The following CLVS1 variants were observed in gnomAD, a reference collection of about 807,000 sequenced individuals.
CLVS1 encodes the protein clavesin 1.
Under a neutral mutation model 33.1 loss-of-function variants are expected in CLVS1, and 10 were observed. The observed-to-expected ratio is 0.30, with a 90% CI of 0.19 to 0.51. The LOEUF is 0.51. Ranked by LOEUF, CLVS1 falls within the 20% of genes least tolerant of loss-of-function variation. The probability of loss-of-function intolerance (pLI) is 0.97; values close to 1 mark genes in which losing one functional copy is unlikely to be tolerated. For synonymous variants in CLVS1, 163 were observed against 166.1 expected (o/e 0.98, Z 0.14); for missense variants, 343 against 433.4 (o/e 0.79, Z 1.85).
intron 3 of CLVS1, among the ~76,000 whole-genome samples, chr8:61,452,825 G>A (rs570589981): frequency 6.6e-6 from 1 of 152,278 alleles, no homozygotes; most frequent in South Asian, 2.1e-4. Flanking sequence ...CTAGGTAGAG[G>A]AAAAAATTAT....
At chr8:61,064,887 G>C (rs1237376338) in intron 1 of CLVS1, among the ~76,000 whole-genome samples, 2 of 152,178 alleles carry the variant, frequency 1.3e-5, no homozygotes, top group Non-Finnish European at 2.9e-5. Flanking sequence ...ATTTTTAGTA[G>C]AGACAGGGTT....
chr8:61,331,893 T>C (rs1298844641), intron 2 of CLVS1, among the ~76,000 whole-genome samples: 1 of 151,620 alleles, frequency 6.6e-6, no homozygotes, highest in African/African-American at 2.4e-5. Flanking sequence ...TTGTTCTCCC[T>C]AGGTTGGAAA....
At chr8:60,998,398 C>T in the CLVS1 span, among the ~76,000 whole-genome samples, 2 of 152,048 alleles carry the variant, frequency 1.3e-5, no homozygotes, top group Non-Finnish European at 2.9e-5. Flanking sequence ...ACCGGAATAC[C>T]CGACTTAAGT....
At chr8:60,973,073 T>C in the CLVS1 span, among the ~76,000 whole-genome samples, 3 of 152,162 alleles carry the variant, frequency 2.0e-5, no homozygotes, top group African/African-American at 7.2e-5. Context: ...AGAGAAGTCA[T>C]GGGGGTCTGT....
At chr8:61,180,075 A>G (rs1401141008) in intron 2 of CLVS1, among the ~76,000 whole-genome samples, 1 of 152,212 alleles carries the variant, frequency 6.6e-6, no homozygotes, top group Non-Finnish European at 1.5e-5. Context: ...AAAATTAACA[A>G]AATAGATAGA....
chr8:61,190,655 G>A (rs1035864025), intron 2 of CLVS1, among the ~76,000 whole-genome samples: 1 of 151,950 alleles, frequency 6.6e-6, no homozygotes, highest in Non-Finnish European at 1.5e-5. Context: ...AAAGAGAGAA[G>A]AATCAAATAC....
intron 2 of CLVS1, among the ~76,000 whole-genome samples, chr8:61,245,946 T>A (rs77251659): frequency 1.3e-4 from 16 of 120,672 alleles, no homozygotes; most frequent in South Asian, 6.8e-4. Flanking sequence ...TAAAAAAAAA[T>A]TTTTTTGGAG....
At chr8:61,335,045 T>A (rs988207703) in intron 2 of CLVS1, among the ~76,000 whole-genome samples, 1 of 152,168 alleles carries the variant, frequency 6.6e-6, no homozygotes, top group Non-Finnish European at 1.5e-5. Flanking sequence ...GTTGGAGCAG[T>A]CTTCTTGCGC....
intron 5 of CLVS1, among the ~76,000 whole-genome samples, chr8:61,469,695 A>G (rs924445764): frequency 6.6e-6 from 1 of 152,222 alleles, no homozygotes; most frequent in African/African-American, 2.4e-5. Flanking sequence ...TATGAAAAGA[A>G]TAAGGGTTGG....
chr8:61,054,430 G>T (rs1213554930), upstream of CLVS1, among the ~76,000 whole-genome samples: 3 of 152,210 alleles, frequency 2.0e-5, no homozygotes, highest in Non-Finnish European at 4.4e-5. Context: ...TGCAGGCTTG[G>T]AGGGTGACAG....
intron 2 of CLVS1, among the ~76,000 whole-genome samples, chr8:61,176,382 C>G (rs1183328086): frequency 1.3e-5 from 2 of 152,164 alleles, no homozygotes; most frequent in Non-Finnish European, 2.9e-5. Flanking sequence ...ACAAGCCCAG[C>G]CAAGATTGAC....
At chr8:61,141,571 T>C (rs912812136) in intron 2 of CLVS1, among the ~76,000 whole-genome samples, 11 of 152,334 alleles carry the variant, frequency 7.2e-5, no homozygotes, top group African/African-American at 2.4e-4. Context: ...ACACTTTTCC[T>C]GGAGATGAAT....
intron 1 of CLVS1, among the ~76,000 whole-genome samples, chr8:61,068,873 A>G (rs1017625379): frequency 6.6e-5 from 10 of 152,110 alleles, no homozygotes; most frequent in African/African-American, 1.9e-4. Flanking sequence ...CTGCCTAGGA[A>G]GGGTCTCCCA....
intron 2 of CLVS1, among the ~76,000 whole-genome samples, chr8:61,343,308 G>T (rs1307929774): frequency 6.6e-6 from 1 of 152,190 alleles, no homozygotes; most frequent in African/African-American, 2.4e-5. Flanking sequence ...GTATTAGAAT[G>T]CAAATTTTAT....
At chr8:61,428,529 T>C (rs1815981702) in intron 3 of CLVS1, among the ~76,000 whole-genome samples, 1 of 152,162 alleles carries the variant, frequency 6.6e-6, no homozygotes, top group African/African-American at 2.4e-5. Flanking sequence ...TCCCTTTAAG[T>C]ATTGGATTTC....
At chr8:61,307,349 C>T (rs928157757) in intron 2 of CLVS1, among the ~76,000 whole-genome samples, 1 of 152,072 alleles carries the variant, frequency 6.6e-6, no homozygotes, top group Non-Finnish European at 1.5e-5. Context: ...GGGTAATTTA[C>T]TAGAGAGGAA....
At chr8:61,005,365 C>A in the CLVS1 span, among the ~76,000 whole-genome samples, 375 of 136,934 alleles carry the variant, frequency 2.7e-3, 2 homozygotes, top group African/African-American at 9.5e-3. Context: ...GGCAAGGGAA[C>A]AACAGGGTGG....
intron 2 of CLVS1, among the ~76,000 whole-genome samples, chr8:61,158,661 T>G: frequency 6.6e-6 from 1 of 150,410 alleles, no homozygotes; most frequent in Admixed American, 6.6e-5. Context: ...AGACTAGGAG[T>G]GAGGGTAGGG....
In CLVS1 at chr8:61,281,720, C is replaced by A. The variant is rs969334214; in HGVS notation, c.-151-17957C>A. ...GCCGCATTTGCATTTCCTACCTCAT[C>A]CCACTAAATATCCAAGGCCCTCTTG... On this transcript the variant is annotated intron_variant, in intron 2 of 2. Coordinates refer to the CLVS1 transcript ENST00000522621. Among the ~76,000 whole-genome samples, 3 of 152,172 alleles carry A rather than the reference C, an allele frequency of 2.0e-5. No homozygotes were observed. The East Asian group carries it at 5.8e-4, about 29-fold the overall frequency.
Sources: gnomAD v4.1 joint callset for allele counts (sites outside exome capture counted in the v4.1 genomes callset) on GRCh38, gnomAD v4.1.1 for gene constraint, MANE v1.5 for transcripts, NCBI Gene and HGNC (gene_info 2026-07-23, HGNC 2026-07-21) for gene names.